Variants in STX8 observed in about 807,000 individuals in gnomAD.
STX8 encodes the protein syntaxin 8.
A neutral mutation model predicts 37.5 loss-of-function variants in STX8; 23 were observed. The observed-to-expected ratio is 0.61, with a 90% CI of 0.44 to 0.87. The LOEUF is 0.87. STX8 is among the 40% of genes least tolerant of loss of function. The pLI, the probability that STX8 is intolerant of heterozygous loss-of-function variation, is 0.00. For synonymous variants in STX8, 115 were observed against 99.1 expected (o/e 1.16, Z -0.95); for missense variants, 313 against 284.7 (o/e 1.10, Z -0.71).
At chr17:9,506,407 T>TCCC (rs57490676) in intron 4 of STX8, among the ~76,000 whole-genome samples, 1,231 of 39,344 alleles carry the variant, frequency 0.031, 45 homozygotes, top group African/African-American at 0.044. Context: ...GCTCACCCGC[T>TCCC]CCCCCCCCCC....
At chr17:9,366,468 G>C (rs563190952) in intron 7 of STX8, among the ~76,000 whole-genome samples, 2 of 152,270 alleles carry the variant, frequency 1.3e-5, no homozygotes, top group Admixed American at 1.3e-4. Context: ...CTGACCTCGT[G>C]ATCTGCCCAC....
chr17:9,401,392 GC>G (rs755941220), intron 6 of STX8, among the ~76,000 whole-genome samples: 4 of 152,136 alleles, frequency 2.6e-5, no homozygotes, highest in Non-Finnish European at 5.9e-5. Context: ...CAATTTTGAA[GC>G]ACTCTAACCA....
intron 6 of STX8, among the ~76,000 whole-genome samples, chr17:9,456,826 C>A (rs1905198752): frequency 6.6e-6 from 1 of 152,078 alleles, no homozygotes; most frequent in Admixed American, 6.6e-5. Context: ...AAAAAAAGTT[C>A]TAAGTTATTA....
intron 7 of STX8, among the ~76,000 whole-genome samples, chr17:9,280,879 C>A (rs184728667): frequency 1.4e-4 from 22 of 152,236 alleles, no homozygotes; most frequent in African/African-American, 5.1e-4. Flanking sequence ...CACAATCTGT[C>A]GTAAGGAAAT....
chr17:9,546,728 G>T (rs1408202865), intron 3 of STX8, among the ~76,000 whole-genome samples: 1 of 150,354 alleles, frequency 6.7e-6, no homozygotes, highest in African/African-American at 2.4e-5. Context: ...CTCCTGAGTA[G>T]CTGGGACTAC....
At chr17:9,291,888 C>T (rs1319584585) in intron 7 of STX8, among the ~76,000 whole-genome samples, 1 of 152,208 alleles carries the variant, frequency 6.6e-6, no homozygotes, top group African/African-American at 2.4e-5. Context: ...TCTGGTTCTG[C>T]AGGCTAAACT....
At chr17:9,355,334 T>C (rs1362233223) in intron 7 of STX8, among the ~76,000 whole-genome samples, 1 of 142,592 alleles carries the variant, frequency 7.0e-6, no homozygotes, top group East Asian at 2.1e-4. Flanking sequence ...TTGTGGAACT[T>C]TTTTTTTTTT....
intron 7 of STX8, among the ~76,000 whole-genome samples, chr17:9,258,227 C>A (rs56041772): frequency 0.43 from 65,828 of 152,088 alleles, 16,380 homozygotes; most frequent in Non-Finnish European, 0.57. Flanking sequence ...AGACTTTTCA[C>A]GGCAGACTCC....
intron 6 of STX8, among the ~76,000 whole-genome samples, chr17:9,398,585 G>A (rs753365010): frequency 2.5e-4 from 38 of 152,078 alleles, no homozygotes; most frequent in South Asian, 8.3e-4. Flanking sequence ...TATCAATATC[G>A]GCCCATTAAT....
At position 9,360,062 on chromosome 17, in the gene STX8, G is replaced by A. The variant is rs192801391; in HGVS notation, c.643+18490C>T. 2.2e-3 allele frequency among the ~76,000 whole-genome samples: 342 copies of A among 152,020 alleles called. 2 individuals are homozygous for A. Among genetic ancestry groups the A allele is most frequent in the Admixed American group, 7.5e-3 (114 of 15,262 alleles). On this transcript the variant is annotated intron_variant, in intron 7 of 7. Coordinates refer to ENST00000306357, the MANE Select transcript of STX8 (RefSeq NM_004853.3). Reference sequence around the variant, plus strand: ...GTATTGTTTCCTGAGCCTGACATACGGAACAGGATGGCACAATATTTTGAA... The same window carrying A: ...GTATTGTTTCCTGAGCCTGACATACAGAACAGGATGGCACAATATTTTGAA...
intron 7 of STX8, among the ~76,000 whole-genome samples, chr17:9,344,259 T>TC (rs1491577920): frequency 2.7e-3 from 1 of 372 alleles, no homozygotes; most frequent in African/African-American, 4.9e-3. Flanking sequence ...GATACTAAAC[T>TC]TTTTTTTTTT....
chr17:9,441,295 T>G (rs937802424), intron 6 of STX8, among the ~76,000 whole-genome samples: 17 of 151,660 alleles, frequency 1.1e-4, no homozygotes, highest in Admixed American at 2.0e-4. Context: ...ATCAAAACCA[T>G]CCTGGCCAAC....
chr17:9,486,010 A>T (rs890926238), intron 6 of STX8, among the ~76,000 whole-genome samples: 1 of 152,248 alleles, frequency 6.6e-6, no homozygotes, highest in African/African-American at 2.4e-5. Context: ...GATGCCAAGC[A>T]TCCAAAACAG....
chr17:9,553,090 T>C (rs1233112828), intron 3 of STX8: 1 of 152,150 alleles, frequency 6.6e-6, no homozygotes, highest in South Asian at 2.1e-4. Flanking sequence ...AAAGGATAAG[T>C]TTCATGTGAA....
chr17:9,564,020 G>A (rs560167817), intron 2 of STX8, among the ~76,000 whole-genome samples: 10 of 152,144 alleles, frequency 6.6e-5, no homozygotes, highest in Non-Finnish European at 1.5e-4. Context: ...AGCAGGAAAG[G>A]CTTTTGATAA....
In STX8 at chr17:9,392,775, C is replaced by G. The variant is rs574657886; in HGVS notation, c.542-14122G>C. On this transcript the variant is annotated intron_variant, in intron 6 of 7. Coordinates refer to ENST00000306357, the MANE Select transcript of STX8 (RefSeq NM_004853.3). ...AAAACTCACTGGATGGGATCAATAG[C>G]AGAATGGACATGATACAGGAAAGAG... is the stretch of plus-strand genomic sequence containing the variant. Among the ~76,000 whole-genome samples the G allele has an allele frequency of 1.4e-4, 21 of 152,150 alleles. 1 individual carries two copies. In the South Asian group the frequency reaches 4.4e-3, roughly 32 times the overall value.
chr17:9,542,679 AAAAT>A (rs375475612), intron 4 of STX8, among the ~76,000 whole-genome samples: 2,587 of 151,148 alleles, frequency 0.017, 22 homozygotes, highest in South Asian at 0.025. Context: ...TCCATCTCAA[AAAAT>A]AAATAAATAA....
chr17:9,453,654 A>G (rs1260465455), intron 6 of STX8, among the ~76,000 whole-genome samples: 1 of 151,712 alleles, frequency 6.6e-6, no homozygotes, highest in Non-Finnish European at 1.5e-5. Context: ...CACCATGCCC[A>G]GCTAATTTTT....
intron 4 of STX8, among the ~76,000 whole-genome samples, chr17:9,531,538 TGA>T (rs956385664): frequency 3.3e-5 from 5 of 150,908 alleles, no homozygotes; most frequent in African/African-American, 2.4e-5. Context: ...TAAGATATTT[TGA>T]GAGAGAGAGA....
Sources: gnomAD v4.1 joint callset for allele counts (sites outside exome capture counted in the v4.1 genomes callset) on GRCh38, gnomAD v4.1.1 for gene constraint, MANE v1.5 for transcripts, NCBI Gene and HGNC (gene_info 2026-07-23, HGNC 2026-07-21) for gene names.